The following DMD variants were observed in gnomAD, a reference collection of about 807,000 sequenced individuals.
DMD encodes mutant dystrophin.
In DMD, 63 loss-of-function variants were observed where a neutral mutation model predicts 330.1. That is an observed-to-expected ratio of 0.19 (90% CI 0.16 to 0.24). DMD has a LOEUF of 0.24. DMD is among the 10% of genes least tolerant of loss of function. The pLI is 1.00. For synonymous variants in DMD, 1,223 were observed against 959.8 expected, an observed-to-expected ratio of 1.27 and a Z score of -5.07; for missense variants, 3,344 against 2,684.1, an observed-to-expected ratio of 1.25 and a Z score of -5.43.
At chrX:31,601,475 A>G (rs977713246) in intron 55 of DMD, among the ~76,000 whole-genome samples, 1 of 111,625 alleles carries the variant, frequency 9.0e-6, no homozygotes, top group Non-Finnish European at 1.9e-5. Context: ...TTCGGAATCA[A>G]TTAAGAGACT....
intron 41 of DMD, among the ~76,000 whole-genome samples, chrX:32,338,641 A>G (rs1244080615): frequency 9.0e-6 from 1 of 111,228 alleles, no homozygotes; most frequent in Non-Finnish European, 1.9e-5. Flanking sequence ...ATTGCTTATA[A>G]TTTTTTTCCA....
chrX:32,304,882 A>T (rs768151827), intron 42 of DMD, among the ~76,000 whole-genome samples: 1 of 111,654 alleles, frequency 9.0e-6, no homozygotes, highest in East Asian at 2.8e-4. Context: ...CCACGCATTA[A>T]ACTGTTAGAA....
intron 54 of DMD, among the ~76,000 whole-genome samples, chrX:31,644,236 G>T (rs1331016414): frequency 1.8e-5 from 2 of 111,626 alleles, no homozygotes; most frequent in African/African-American, 3.3e-5. Flanking sequence ...AAGTAGAAAA[G>T]ACTTACTAGA....
At position 32,565,728 on chromosome X, in the gene DMD, G is replaced by C; in HGVS notation, c.1966C>G (p.Gln656Glu). ...TGTGCTGTACTCTTTTCAAGTTTTT[G>C]GACTAAATTATCCCAACACCGGGCA... The part of the protein sequence containing the change: ...NFARCWDNLV[Q>E]KLEKSTAQIS... Residue 656 changes from glutamine (Q) to glutamate (E), a missense_variant, in exon 16 of 79, where the codon CAA becomes GAA. By Grantham distance (29) the Gln-to-Glu change is conservative. Coordinates refer to ENST00000357033, the MANE Select transcript of DMD (RefSeq NM_004006.3). The C allele has an allele frequency of 8.3e-7, 1 of 1,211,248 alleles. No homozygotes were observed. Among genetic ancestry groups the C allele is most frequent in the Non-Finnish European group, 1.1e-6 (1 of 895,202 alleles).
chrX:32,976,721 A>G lies in DMD; in HGVS notation c.93+43418T>C, dbSNP rs751177318. Among the ~76,000 whole-genome samples the G allele has an allele frequency of 3.6e-5, 4 of 111,802 alleles. No individual in the cohort carries two copies. The East Asian group carries it at 1.1e-3, about 32-fold the overall frequency. ...CTGTGGTTTTAGGTACAGGTACTAC[A>G]TTTATCTAGAGCAGTATGTACCTTT... On this transcript the variant is annotated intron_variant, in intron 2 of 78. Coordinates refer to ENST00000357033, the MANE Select transcript of DMD (RefSeq NM_004006.3).
At chrX:31,315,329 A>C (rs1280861244) in intron 62 of DMD, among the ~76,000 whole-genome samples, 2 of 112,260 alleles carry the variant, frequency 1.8e-5, no homozygotes, top group Non-Finnish European at 3.8e-5. Flanking sequence ...TTCAGAGGAG[A>C]AAAGGAAAGC....
At chrX:32,161,152 G>A (rs755997672) in intron 44 of DMD, among the ~76,000 whole-genome samples, 8 of 111,464 alleles carry the variant, frequency 7.2e-5, no homozygotes, top group African/African-American at 2.3e-4. Flanking sequence ...TGGGTTACTC[G>A]GGCTGCCTCT....
chrX:32,396,619 T>C (rs755921893), intron 30 of DMD, among the ~76,000 whole-genome samples: 66 of 111,133 alleles, frequency 5.9e-4, no homozygotes, highest in African/African-American at 2.1e-3. Context: ...TTTGCTTTTT[T>C]TTGCCAGAGT....
intron 44 of DMD, among the ~76,000 whole-genome samples, chrX:32,204,784 G>C (rs1219522445): frequency 1.8e-5 from 2 of 109,530 alleles, no homozygotes; most frequent in African/African-American, 6.7e-5. Flanking sequence ...GCAAAGGGGA[G>C]AGCAGGAAAC....
rs1183020353 is a variant in DMD, at chrX:32,343,293, A to AT, written c.5587-8dup. On this transcript the variant is annotated splice_region_variant and splice_polypyrimidine_tract_variant and intron_variant, in intron 39 of 78. Transcript: ENST00000357033. ...TTCTTTGAGACCTCAAATCCTGTTC[A>AT]TGGTGCAGACATTATTAAAATATCA... The AT allele has an allele frequency of 8.4e-7, 1 of 1,196,951 alleles. No individual in the cohort carries two copies.
intron 2 of DMD, among the ~76,000 whole-genome samples, chrX:32,888,095 T>C (rs1031048612): frequency 2.7e-5 from 3 of 111,083 alleles, no homozygotes; most frequent in Non-Finnish European, 5.7e-5. Context: ...TTTTAAAATA[T>C]GACAAAGTAA....
chrX:32,609,332 G>A (rs1274435600), intron 12 of DMD, among the ~76,000 whole-genome samples: 2 of 110,713 alleles, frequency 1.8e-5, no homozygotes, highest in Admixed American at 1.9e-4. Flanking sequence ...GCTATTTCTA[G>A]TTTAATTTCT....
chrX:33,162,699 C>G (rs1193194495), intron 1 of DMD, among the ~76,000 whole-genome samples: 1 of 110,387 alleles, frequency 9.1e-6, no homozygotes, highest in Admixed American at 9.7e-5. Flanking sequence ...AGCCCAAAAG[C>G]TAAAGGCTGT....
intron 7 of DMD, among the ~76,000 whole-genome samples, chrX:32,771,134 A>G (rs1023387885): frequency 8.9e-6 from 1 of 112,200 alleles, no homozygotes; most frequent in Non-Finnish European, 1.9e-5. Context: ...AGCGCATGCA[A>G]TATTAATTTT....
At chrX:32,362,657 A>T in intron 37 of DMD, 131 bp downstream of exon 37, 1 of 713,185 alleles carries the variant, frequency 1.4e-6, no homozygotes, top group Non-Finnish European at 2.2e-6. Flanking sequence ...AAATTTCCTT[A>T]AATACATTTT....
At chrX:32,216,857 A>G (rs1358892876) in intron 44 of DMD, 59 bp downstream of exon 44, 1 of 1,075,466 alleles carries the variant, frequency 9.3e-7, no homozygotes, top group East Asian at 3.1e-5. Flanking sequence ...TTAAGAAGTT[A>G]AAGAGTCCAG....
chrX:32,141,232 C>G (rs1339257725), intron 44 of DMD, among the ~76,000 whole-genome samples: 1 of 106,675 alleles, frequency 9.4e-6, no homozygotes, highest in African/African-American at 3.5e-5. Flanking sequence ...TCGAGACCAG[C>G]CTGGCCAACA....
At chrX:31,869,751 C>T (rs929370614) in intron 48 of DMD, among the ~76,000 whole-genome samples, 1 of 110,445 alleles carries the variant, frequency 9.1e-6, no homozygotes, top group Non-Finnish European at 1.9e-5. Flanking sequence ...AACTTTCATG[C>T]CTGGAGCTGC....
At chrX:32,566,332 G>C (rs1207455281) in intron 15 of DMD, among the ~76,000 whole-genome samples, 3 of 111,720 alleles carry the variant, frequency 2.7e-5, no homozygotes, top group Non-Finnish European at 5.6e-5. Flanking sequence ...AAATGAGAAT[G>C]GCTAAGGAAA....
Sources: gnomAD v4.1 joint callset for allele counts (sites outside exome capture counted in the v4.1 genomes callset) on GRCh38, gnomAD v4.1.1 for gene constraint, MANE v1.5 for transcripts, NCBI Gene and HGNC (gene_info 2026-07-23, HGNC 2026-07-21) for gene names.